Variants in NTRK2 observed in about 807,000 individuals in gnomAD.
NTRK2 encodes neurotrophic receptor tyrosine kinase 2.
Under a neutral mutation model 94.5 loss-of-function variants are expected in NTRK2, and 13 were observed. The observed-to-expected ratio is 0.14, with a 90% CI of 0.09 to 0.22. The LOEUF is 0.22. Ranked by LOEUF, NTRK2 falls within the 10% of genes least tolerant of loss-of-function variation. The pLI, the probability that NTRK2 is intolerant of heterozygous loss-of-function variation, is 1.00. For missense variants in NTRK2, 639 were observed against 1,071.2 expected (o/e 0.60, Z 5.63); for synonymous variants, 372 against 407.4 (o/e 0.91, Z 1.05).
At chr9:84,751,910 G>A (rs1319621771) in intron 11 of NTRK2, 76 bp from the exon 12 acceptor site, 21 of 1,122,382 alleles carry the variant, frequency 1.9e-5, no homozygotes, top group Middle Eastern at 2.0e-4. Flanking sequence ...CATTATCATC[G>A]TCATGATCAT....
At chr9:84,797,769 TATATATA>T (rs1327068030) in intron 12 of NTRK2, among the ~76,000 whole-genome samples, 1 of 15,908 alleles carries the variant, frequency 6.3e-5, no homozygotes, top group African/African-American at 1.9e-4. Flanking sequence ...ACTATAATAA[TATATATA>T]ATATATATTA....
chr9:84,714,539 C>G (rs1449237922), intron 6 of NTRK2, among the ~76,000 whole-genome samples: 2 of 152,100 alleles, frequency 1.3e-5, no homozygotes, highest in Non-Finnish European at 2.9e-5. Flanking sequence ...GGGGCTTAGT[C>G]ATGTATTAAT....
chr9:84,695,944 A>G (rs754098079), intron 2 of NTRK2, among the ~76,000 whole-genome samples: 5 of 152,152 alleles, frequency 3.3e-5, no homozygotes, highest in Non-Finnish European at 5.9e-5. Flanking sequence ...CATGGAGGCC[A>G]TTTCTAGTCT....
intron 15 of NTRK2, among the ~76,000 whole-genome samples, chr9:84,943,221 G>T (rs547812321): frequency 6.6e-6 from 1 of 152,242 alleles, no homozygotes; most frequent in East Asian, 1.9e-4. Context: ...CTTTGAAATG[G>T]ATGATCATTT....
intron 6 of NTRK2, among the ~76,000 whole-genome samples, chr9:84,715,139 T>C (rs1427090403): frequency 6.6e-6 from 1 of 152,206 alleles, no homozygotes; most frequent in Non-Finnish European, 1.5e-5. Flanking sequence ...AGGCATTTGA[T>C]GAAGGTTTGC....
intron 12 of NTRK2, among the ~76,000 whole-genome samples, chr9:84,824,601 AAG>A (rs1564355623): frequency 6.6e-6 from 1 of 152,208 alleles, no homozygotes; most frequent in Admixed American, 6.5e-5. Flanking sequence ...ATGGGCTCCC[AAG>A]AGAGGCTGAG....
At chr9:85,021,202 A>T (rs2117992496) in intron 18 of NTRK2, 50 bp from the exon 19 acceptor site, 1 of 1,532,588 alleles carries the variant, frequency 6.5e-7, no homozygotes. Flanking sequence ...CATTTCTTCG[A>T]TGTGCATTGC....
chr9:84,839,805 T>G (rs1000528141), intron 12 of NTRK2, among the ~76,000 whole-genome samples: 2 of 152,230 alleles, frequency 1.3e-5, no homozygotes, highest in Non-Finnish European at 2.9e-5. Context: ...GTGAGGAGTC[T>G]GCCAGCACAT....
intron 15 of NTRK2, 108 bp from the exon 16 acceptor site, chr9:84,948,354 C>T: frequency 8.9e-7 from 1 of 1,123,994 alleles, no homozygotes; most frequent in South Asian, 1.3e-5. Flanking sequence ...TCCTTAGGAA[C>T]TAGGCTGTTT....
At chr9:84,799,315 T>A (rs11140762) in intron 12 of NTRK2, among the ~76,000 whole-genome samples, 7,350 of 152,086 alleles carry the variant, frequency 0.048, 207 homozygotes, top group East Asian at 0.14. Context: ...AAAAAAAAAA[T>A]TAGGATGATA....
At chr9:84,892,551 G>C (rs2076624700) in intron 14 of NTRK2, among the ~76,000 whole-genome samples, 1 of 152,204 alleles carries the variant, frequency 6.6e-6, no homozygotes, top group East Asian at 1.9e-4. Context: ...TGCATCATCA[G>C]TCCATCCATT....
intron 2 of NTRK2, among the ~76,000 whole-genome samples, chr9:84,680,203 G>A (rs988739026): frequency 6.6e-6 from 1 of 152,182 alleles, no homozygotes; most frequent in African/African-American, 2.4e-5. Context: ...ACATGGAGAT[G>A]TCCAACAAAC....
rs191807555 is a variant in NTRK2 at position 85,026,946 on chromosome 9, T to C, written c.*5509T>C. The C allele has an allele frequency of 6.7e-4, 156 of 232,784 alleles. 2 individuals are homozygous for C. In the Middle Eastern group the frequency reaches 0.017, roughly 25 times the overall value. The allele number at this position is 232,784 out of a possible 1,614,324, so 14.4% of individuals were successfully genotyped here. On this transcript the variant is annotated 3_prime_UTR_variant, in exon 19 of 19. Coordinates refer to ENST00000277120, the MANE Select transcript of NTRK2 (RefSeq NM_006180.6). ...TACAGTGTTTAAAAAAAAAAAAGTT[T>C]TGTTTGTAAATCATGTGACCAGCTT...
upstream of NTRK2, chr9:84,669,447 C>G (rs955357194): frequency 6.6e-6 from 1 of 151,884 alleles, no homozygotes; most frequent in Non-Finnish European, 1.5e-5. The surrounding 1 kb of genome is among the most constrained non-coding windows in gnomAD (Gnocchi z 4.1). Context: ...AATGCACACA[C>G]ACACACAGAC....
chr9:84,843,634 G>A (rs1289675131), intron 12 of NTRK2, among the ~76,000 whole-genome samples: 1 of 152,210 alleles, frequency 6.6e-6, no homozygotes, highest in East Asian at 1.9e-4. Flanking sequence ...CTCAGTCAGA[G>A]AACTGTAGGG....
chr9:84,732,890 C>G (rs1022161363), intron 9 of NTRK2, among the ~76,000 whole-genome samples: 4 of 152,192 alleles, frequency 2.6e-5, no homozygotes, highest in African/African-American at 9.7e-5. Context: ...AAATGTGCCT[C>G]TGCTCCAGCT....
At chr9:84,872,299 A>C (rs905179054) in intron 14 of NTRK2, 1 of 1,112,946 alleles carries the variant, frequency 9.0e-7, no homozygotes, top group African/African-American at 1.6e-5. Context: ...GAGCTGAAAC[A>C]AACAAACAGA....
intron 2 of NTRK2, among the ~76,000 whole-genome samples, chr9:84,693,966 A>G (rs554548293): frequency 6.6e-6 from 1 of 152,370 alleles, no homozygotes; most frequent in African/African-American, 2.4e-5. Context: ...CTATGTAAAT[A>G]TAATACAGGA....
intron 2 of NTRK2, among the ~76,000 whole-genome samples, chr9:84,699,329 C>T (rs1460605083): frequency 6.6e-6 from 1 of 152,190 alleles, no homozygotes; most frequent in Non-Finnish European, 1.5e-5. Flanking sequence ...AGGCACTGCT[C>T]CTGGCCCTTG....
Sources: allele counts gnomAD v4.1 joint callset (sites outside exome capture counted in the v4.1 genomes callset), GRCh38; gene constraint gnomAD v4.1.1; non-coding constraint Gnocchi (gnomAD v3.1); transcripts MANE v1.5; gene names NCBI Gene and HGNC (gene_info 2026-07-23, HGNC 2026-07-21).